PHLDB2: variants seen among roughly 807,000 people sequenced by gnomAD.
The protein encoded by PHLDB2 is pleckstrin homology like domain family B member 2.
A neutral mutation model predicts 123.6 loss-of-function variants in PHLDB2; 71 were observed. That is an observed-to-expected ratio of 0.57 (90% CI 0.47 to 0.70). PHLDB2 has a LOEUF of 0.70. Among genes scored for constraint, PHLDB2 ranks in the 30% least tolerant of loss-of-function variants. PHLDB2 has a pLI of 0.00. For missense variants in PHLDB2, 1,446 were observed against 1,519.5 expected (o/e 0.95, Z 0.80); for synonymous variants, 547 against 541.6 (o/e 1.01, Z -0.14).
intron 3 of PHLDB2, among the ~76,000 whole-genome samples, chr3:111,918,854 TTG>T (rs1344581659): frequency 2.0e-5 from 3 of 152,198 alleles, no homozygotes; most frequent in Non-Finnish European, 4.4e-5. Flanking sequence ...TGAACTGAAG[TTG>T]GTTTGTCTCA....
At chr3:111,930,130 T>A (rs2069050728) in intron 5 of PHLDB2, among the ~76,000 whole-genome samples, 1 of 151,698 alleles carries the variant, frequency 6.6e-6, no homozygotes, top group African/African-American at 2.4e-5. Flanking sequence ...GCCAGGATGG[T>A]CTCGATCTTC....
chr3:111,736,674 G>A (rs551934375), intron 1 of PHLDB2, among the ~76,000 whole-genome samples: 2 of 152,268 alleles, frequency 1.3e-5, no homozygotes, highest in South Asian at 4.2e-4. Flanking sequence ...TACACAGCCT[G>A]TTCTCAGGCA....
chr3:111,868,637 G>A (rs59759058), intron 1 of PHLDB2, among the ~76,000 whole-genome samples: 4,148 of 151,542 alleles, frequency 0.027, 193 homozygotes, highest in African/African-American at 0.095. Flanking sequence ...ATATATATAT[G>A]TGTGTGTATA....
At chr3:111,903,584 A>T (rs771200590) in intron 2 of PHLDB2, among the ~76,000 whole-genome samples, 1 of 152,164 alleles carries the variant, frequency 6.6e-6, no homozygotes, top group African/African-American at 2.4e-5. Flanking sequence ...TTTCCCTGAA[A>T]ATAATTGGGT....
Position 111,884,359 on chromosome 3 carries a change from C to A in PHLDB2, c.282C>A (p.Phe94Leu). Residue 94 changes from phenylalanine (F) to leucine (L), a missense_variant, in exon 2 of 18, where the codon TTC becomes TTA. By Grantham distance (22) the Phe-to-Leu change is conservative. Around this residue, in one of 3 missense-constraint regions of PHLDB2, gnomAD observed 832 missense variants for 831.9 expected, o/e 1.00. Transcript: ENST00000431670. ...CCAAAATCCAGGGAAGCAAGCAGTT[C>A]TCTTATGATGGAACTGACAAAAATA... ...SLAKIQGSKQ[F>L]SYDGTDKNIP... 1 of 1,614,150 alleles carries A rather than the reference C, an allele frequency of 6.2e-7. No homozygotes were observed. Among genetic ancestry groups the A allele is most frequent in the Non-Finnish European group, 8.5e-7 (1 of 1,180,014 alleles).
At position 111,884,643 on chromosome 3, in the gene PHLDB2, G is replaced by A. The variant is rs767165053; in HGVS notation, c.566G>A (p.Gly189Asp). 3.1e-6 allele frequency: 5 copies of A among 1,614,142 alleles called. No homozygotes were observed. The highest frequency in any genetic ancestry group is 4.2e-6 in the Non-Finnish European group (5 of 1,180,024). Residue 189 changes from glycine to aspartate, a missense_variant, in exon 2 of 18, where the codon GGC (glycine) becomes GAC (aspartate). Around this residue, in one of 3 missense-constraint regions of PHLDB2, gnomAD observed 832 missense variants for 831.9 expected, o/e 1.00. Transcript: ENST00000431670. Reference protein sequence around the residue: ...MWNGSSLSDAGPPPISRSGAA... With the variant: ...MWNGSSLSDADPPPISRSGAA... ...AATGGAAGTTCCCTGAGTGATGCTG[G>A]CCCGCCTCCTATCAGCAGATCGGGA... is the stretch of plus-strand genomic sequence containing the variant.
chr3:111,906,079 T>C (rs1210175730), intron 2 of PHLDB2, among the ~76,000 whole-genome samples: 2 of 152,222 alleles, frequency 1.3e-5, no homozygotes, highest in East Asian at 3.8e-4. Context: ...GTACTTACCA[T>C]GGTGTTACAA....
At position 111,946,043 on chromosome 3, in the gene PHLDB2, A is replaced by T. The variant is rs140043498; in HGVS notation, c.2487+686A>T. Among the ~76,000 whole-genome samples the T allele has an allele frequency of 4.3e-3, 620 of 145,490 alleles. 2 individuals carry two copies. Among genetic ancestry groups the T allele is most frequent in the African/African-American group, 0.013 (507 of 38,670 alleles). ...AAAAAAATAGTTTATATATATATAT[A>T]TTTTTTGAGACAGAGTCTTACTGTG... On this transcript the variant is annotated intron_variant, in intron 9 of 17. Coordinates refer to ENST00000431670, the MANE Select transcript of PHLDB2 (RefSeq NM_001134438.2).
At position 111,897,914 on chromosome 3, in the gene PHLDB2, T is replaced by A. The variant is rs185610632; in HGVS notation, c.1335+12502T>A. Among the ~76,000 whole-genome samples the A allele has an allele frequency of 2.8e-3, 424 of 152,330 alleles. 3 individuals carry two copies. The highest frequency in any genetic ancestry group is 0.01 in the African/African-American group (418 of 41,574). On this transcript the variant is annotated intron_variant, in intron 2 of 17. Transcript: ENST00000431670. Reference sequence around the variant, plus strand: ...AAAGCAAGTGACGCAAATTTTTTGGTTTCCCAGTGCATATTAAAGTTATGT... The same window carrying A: ...AAAGCAAGTGACGCAAATTTTTTGGATTCCCAGTGCATATTAAAGTTATGT...
chr3:111,970,409 A>G (rs1184987314), intron 16 of PHLDB2, among the ~76,000 whole-genome samples: 1 of 152,176 alleles, frequency 6.6e-6, no homozygotes, highest in African/African-American at 2.4e-5. Flanking sequence ...TGATTGATTG[A>G]TTGTCATACG....
At chr3:111,757,058 C>T (rs2059904078) in intron 1 of PHLDB2, among the ~76,000 whole-genome samples, 1 of 152,288 alleles carries the variant, frequency 6.6e-6, no homozygotes, top group South Asian at 2.1e-4. Flanking sequence ...GTAACCTGAC[C>T]TTTCTCTCTG....
At chr3:111,799,261 G>A (rs2061290359) in intron 1 of PHLDB2, among the ~76,000 whole-genome samples, 1 of 152,048 alleles carries the variant, frequency 6.6e-6, no homozygotes, top group African/African-American at 2.4e-5. Flanking sequence ...TTAAGAAGCT[G>A]GTACTCTTAT....
At chr3:111,952,287 A>G (rs2070762516) in intron 10 of PHLDB2, among the ~76,000 whole-genome samples, 1 of 152,190 alleles carries the variant, frequency 6.6e-6, no homozygotes, top group Admixed American at 6.5e-5. Flanking sequence ...GGCGACCATC[A>G]TAATAATTTG....
intron 5 of PHLDB2, among the ~76,000 whole-genome samples, chr3:111,924,681 A>G (rs2068716464): frequency 1.3e-5 from 2 of 152,252 alleles, no homozygotes; most frequent in Admixed American, 1.3e-4. Context: ...GAGAAAAGCA[A>G]AACCTGAAAA....
At chr3:111,933,392 G>A (rs1020168384) in intron 6 of PHLDB2, among the ~76,000 whole-genome samples, 1 of 152,200 alleles carries the variant, frequency 6.6e-6, no homozygotes, top group African/African-American at 2.4e-5. Flanking sequence ...ACGTTCTTAA[G>A]ATGACCTTTA....
chr3:111,885,578 T>G (rs1559886231), intron 2 of PHLDB2, 166 bp downstream of exon 2: 3 of 917,066 alleles, frequency 3.3e-6, no homozygotes, highest in Non-Finnish European at 5.2e-6. Context: ...TCTTCCCATA[T>G]CACTATTAAT....
At chr3:111,786,284 AC>A (rs2060677383) in intron 1 of PHLDB2, among the ~76,000 whole-genome samples, 1 of 152,226 alleles carries the variant, frequency 6.6e-6, no homozygotes, top group Admixed American at 6.5e-5. Flanking sequence ...AAAAGTCAAT[AC>A]GTGCTTAGCA....
At chr3:111,735,788 T>G (rs982374068) in intron 1 of PHLDB2, among the ~76,000 whole-genome samples, 7 of 152,216 alleles carry the variant, frequency 4.6e-5, no homozygotes, top group African/African-American at 1.7e-4. Context: ...TGCCTTCTTA[T>G]CTACACTTTT....
At chr3:111,808,241 C>G (rs2061681037) in intron 1 of PHLDB2, among the ~76,000 whole-genome samples, 1 of 152,112 alleles carries the variant, frequency 6.6e-6, no homozygotes, top group Non-Finnish European at 1.5e-5. Flanking sequence ...GAGTATGCCA[C>G]TCTGACATCT....
Sources: allele counts gnomAD v4.1 joint callset (sites outside exome capture counted in the v4.1 genomes callset), GRCh38; gene constraint gnomAD v4.1.1; regional missense constraint gnomAD v4.1.1; transcripts MANE v1.5; gene names NCBI Gene and HGNC (gene_info 2026-07-23, HGNC 2026-07-21).